The following GPR149 variants were observed in gnomAD, a reference collection of about 807,000 sequenced individuals.
The protein encoded by GPR149 is probable G protein-coupled receptor 149.
GPR149 carries 50 observed loss-of-function variants against 50.2 expected under a neutral mutation model. The observed-to-expected ratio is 1.00, with a 90% CI of 0.79 to 1.26. The LOEUF is 1.26. Ranked by LOEUF, GPR149 falls within the 50% of genes most tolerant of loss-of-function variation. The probability of loss-of-function intolerance (pLI) is 0.00; values close to 1 mark genes in which losing one functional copy is unlikely to be tolerated. For missense variants in GPR149, 983 were observed against 895.4 expected, an observed-to-expected ratio of 1.10 and a Z score of -1.25; for synonymous variants, 405 against 358.2, an observed-to-expected ratio of 1.13 and a Z score of -1.48.
chr3:154,422,125 T>C (rs1304928956), intron 2 of GPR149, among the ~76,000 whole-genome samples: 3 of 151,648 alleles, frequency 2.0e-5, no homozygotes, highest in Admixed American at 6.6e-5. Context: ...GATGGATTAA[T>C]ATTTTTTGTA....
rs1040859401 is a variant in GPR149 at position 154,428,619 on chromosome 3, G to A, written c.981+16C>T. On this transcript the variant is annotated intron_variant, in intron 1 of 3. Transcript: ENST00000389740. ...TGGCACACACACTCGCGCTTTGTGA[G>A]CAACTGCACTTTTACCATCATGGGC... The A allele has an allele frequency of 1.0e-5, 16 of 1,603,188 alleles. No homozygotes were observed. Among genetic ancestry groups the A allele is most frequent in the Non-Finnish European group, 1.3e-5 (15 of 1,174,462 alleles).
chr3:154,378,388 C>A (rs76667255), intron 3 of GPR149, among the ~76,000 whole-genome samples: 24 of 152,094 alleles, frequency 1.6e-4, no homozygotes, highest in African/African-American at 5.8e-4. Flanking sequence ...GCCACCACAC[C>A]GGAACTATAT....
intron 3 of GPR149, 90 bp from the exon 4 acceptor site, chr3:154,338,361 G>A (rs1713707333): frequency 1.9e-6 from 2 of 1,056,372 alleles, no homozygotes; most frequent in Non-Finnish European, 2.7e-6. Context: ...GAATGATAAA[G>A]GTTTTCTATT....
chr3:154,405,559 G>A (rs1457120411), intron 3 of GPR149, among the ~76,000 whole-genome samples: 1 of 125,604 alleles, frequency 8.0e-6, no homozygotes, highest in African/African-American at 3.1e-5. Context: ...TTGCACTCCA[G>A]CTTGGGTGAC....
intron 3 of GPR149, among the ~76,000 whole-genome samples, chr3:154,403,253 G>A (rs1362769913): frequency 1.3e-5 from 2 of 152,094 alleles, no homozygotes; most frequent in Non-Finnish European, 2.9e-5. Flanking sequence ...TACAGCATTA[G>A]GAAAGGCTAT....
chr3:154,393,471 C>T (rs1715215927), intron 3 of GPR149, among the ~76,000 whole-genome samples: 1 of 151,952 alleles, frequency 6.6e-6, no homozygotes, highest in Non-Finnish European at 1.5e-5. Flanking sequence ...GCTAACATTA[C>T]ACTCAATAGT....
chr3:154,361,398 G>A (rs1341715550), intron 3 of GPR149, among the ~76,000 whole-genome samples: 1 of 152,158 alleles, frequency 6.6e-6, no homozygotes, highest in African/African-American at 2.4e-5. Flanking sequence ...ATAAAAGTAC[G>A]TGTCCTAATA....
rs776188175 is a variant in GPR149, at chr3:154,428,763, C to A, written c.853G>T (p.Ala285Ser). The change falls in exon 1 of 4, where the codon GCT becomes TCT. Residue 285 changes from alanine (A) to serine (S), a missense_variant. Coordinates refer to ENST00000389740, the MANE Select transcript of GPR149 (RefSeq NM_001038705.3). ...FGPGAPAAAG[A>S]EACRRENRGT... ...CGGTTCTCACGCCTGCAGGCTTCAG[C>A]CCCAGCGGCAGCGGGCGCACCCGGT... The A allele has an allele frequency of 5.6e-6, 9 of 1,613,836 alleles. No homozygotes were observed. Among genetic ancestry groups the A allele is most frequent in the Admixed American group, 3.3e-5 (2 of 59,998 alleles).
chr3:154,421,093 T>C lies in GPR149; in HGVS notation c.1569A>G (p.Pro523=), dbSNP rs1355666960. ...TACACCACTCCCAGTCTGAAAGATC[T>C]GGTTTCTGACTCTCTTCATGAGACA... ...RRLSHEESQK[P]DLSDWEWCRS... Residue 523 remains proline, a synonymous_variant, in exon 3 of 4, where the codon CCA becomes CCG. Transcript: ENST00000389740. The C allele has an allele frequency of 5.6e-6, 9 of 1,613,020 alleles. No homozygotes were observed. In the Admixed American group the frequency reaches 1.0e-4, roughly 18 times the overall value.
intron 3 of GPR149, among the ~76,000 whole-genome samples, chr3:154,419,549 A>G (rs2108428407): frequency 6.6e-6 from 1 of 152,216 alleles, no homozygotes; most frequent in African/African-American, 2.4e-5. Context: ...GCAAAGCTAA[A>G]CAATATAGTA....
At chr3:154,347,895 C>G (rs1387435211) in intron 3 of GPR149, among the ~76,000 whole-genome samples, 1 of 152,134 alleles carries the variant, frequency 6.6e-6, no homozygotes, top group Non-Finnish European at 1.5e-5. Flanking sequence ...GTGGGATGGA[C>G]TATTGAAGTA....
intron 3 of GPR149, among the ~76,000 whole-genome samples, chr3:154,345,485 G>T (rs1713905008): frequency 6.6e-6 from 1 of 152,138 alleles, no homozygotes. Flanking sequence ...ATGCTGTCAG[G>T]AATAATGATA....
chr3:154,348,106 G>A (rs907856879), intron 3 of GPR149, among the ~76,000 whole-genome samples: 10 of 152,164 alleles, frequency 6.6e-5, no homozygotes, highest in African/African-American at 2.2e-4. Flanking sequence ...CTCCATAAAT[G>A]TTAGTTATTA....
rs1713702027 is a variant in GPR149, at chr3:154,338,187, G to C, written c.1708C>G (p.Leu570Val). The change falls in exon 4 of 4, where the codon CTT (leucine) becomes GTT (valine). Residue 570 changes from leucine to valine, a missense_variant. Coordinates refer to ENST00000389740, the MANE Select transcript of GPR149 (RefSeq NM_001038705.3). Reference protein sequence around the residue: ...LHAPTGKTLSLSTYEVSAEGQ... With the variant: ...LHAPTGKTLSVSTYEVSAEGQ... ...TCTGCGCTTACCTCATAGGTAGAAA[G>C]AGATAGGGTTTTCCCTGTAGGTGCA... 1.9e-6 allele frequency: 3 copies of C among 1,614,154 alleles called. No homozygotes were observed. Among genetic ancestry groups the C allele is most frequent in the Non-Finnish European group, 2.5e-6 (3 of 1,180,008 alleles).
intron 3 of GPR149, among the ~76,000 whole-genome samples, chr3:154,345,933 A>T (rs137988869): frequency 3.9e-4 from 59 of 152,312 alleles, no homozygotes; most frequent in African/African-American, 1.3e-3. Flanking sequence ...AGGTAGTATC[A>T]GGACTGGCAT....
In GPR149 at chr3:154,429,533, G is replaced by T; in HGVS notation, c.83C>A (p.Pro28Gln). 1 of 1,614,050 alleles carries T rather than the reference G, an allele frequency of 6.2e-7. No individual in the cohort carries two copies. The highest frequency in any genetic ancestry group is 8.5e-7 in the Non-Finnish European group (1 of 1,179,964). Reference sequence around the variant, plus strand: ...AAGATAGATATTCAGGGTTCCTGGCGGATTTAAAAGGTCCGTAGAATTATG... The same window carrying T: ...AAGATAGATATTCAGGGTTCCTGGCTGATTTAAAAGGTCCGTAGAATTATG... ...ENHNSTDLLN[P>Q]PGTLNIYLFC... Residue 28 changes from proline to glutamine, a missense_variant, in exon 1 of 4, where the codon CCG becomes CAG. Physicochemically the swap from Pro to Gln is moderately conservative, Grantham distance 76. Coordinates refer to ENST00000389740, the MANE Select transcript of GPR149 (RefSeq NM_001038705.3).
intron 3 of GPR149, among the ~76,000 whole-genome samples, chr3:154,395,635 C>G (rs1003917170): frequency 1.8e-4 from 28 of 151,962 alleles, no homozygotes; most frequent in African/African-American, 6.5e-4. Context: ...CGAAAATAAA[C>G]TAAACTAAAC....
intron 3 of GPR149, among the ~76,000 whole-genome samples, chr3:154,345,975 T>C (rs915380554): frequency 6.6e-6 from 1 of 152,190 alleles, no homozygotes; most frequent in African/African-American, 2.4e-5. Flanking sequence ...CTCAGTTAAG[T>C]GCTCTTTCTA....
intron 3 of GPR149, among the ~76,000 whole-genome samples, chr3:154,394,080 A>T (rs942113260): frequency 3.3e-5 from 5 of 152,104 alleles, no homozygotes; most frequent in African/African-American, 1.2e-4. Context: ...ATTCATATGG[A>T]ATCACAAAAA....
Sources: allele counts gnomAD v4.1 joint callset (sites outside exome capture counted in the v4.1 genomes callset), GRCh38; gene constraint gnomAD v4.1.1; transcripts MANE v1.5; gene names NCBI Gene and HGNC (gene_info 2026-07-23, HGNC 2026-07-21).